The following IMPG1 variants were observed in gnomAD, a reference collection of about 807,000 sequenced individuals.
The protein encoded by IMPG1 is interphotoreceptor matrix proteoglycan 1, also known as interphotoreceptor matrix proteoglycan of 150 kDa.
IMPG1 carries 85 observed loss-of-function variants against 92.0 expected under a neutral mutation model. That is an observed-to-expected ratio of 0.92 (90% confidence interval 0.78 to 1.11). IMPG1 has a LOEUF of 1.11. Among genes scored for constraint, IMPG1 ranks in the 50% least tolerant of loss-of-function variants. IMPG1 has a pLI of 0.00. For synonymous variants in IMPG1, 367 were observed against 334.1 expected, an observed-to-expected ratio of 1.10 and a Z score of -1.08; for missense variants, 1,022 against 956.0, an observed-to-expected ratio of 1.07 and a Z score of -0.91.
intron 4 of IMPG1, among the ~76,000 whole-genome samples, chr6:76,030,120 C>A (rs1225144098): frequency 6.6e-6 from 1 of 152,128 alleles, no homozygotes; most frequent in Non-Finnish European, 1.5e-5. Context: ...ATGTTAATAT[C>A]TATGGTATAA....
At chr6:76,032,724 CAA>C (rs1783671898) in intron 4 of IMPG1, among the ~76,000 whole-genome samples, 2 of 152,086 alleles carry the variant, frequency 1.3e-5, no homozygotes, top group Admixed American at 1.3e-4. Context: ...CCTGGAGCTT[CAA>C]AGAGAGTAGA....
chr6:75,956,935 T>G (rs1205634222), intron 12 of IMPG1, among the ~76,000 whole-genome samples: 3 of 152,196 alleles, frequency 2.0e-5, no homozygotes, highest in Non-Finnish European at 2.9e-5. Flanking sequence ...TTTTTTATTT[T>G]TTGAGATGGA....
chr6:76,058,860 A>C (rs1784161340), intron 1 of IMPG1, among the ~76,000 whole-genome samples: 1 of 152,220 alleles, frequency 6.6e-6, no homozygotes, highest in Non-Finnish European at 1.5e-5. Context: ...TAGAAAAAGC[A>C]AAAGCTAAGT....
Position 76,041,826 on chromosome 6 carries a change from C to G in IMPG1, c.301+67G>C, listed in dbSNP as rs568666091. 28 of 1,068,542 alleles carry G rather than the reference C, an allele frequency of 2.6e-5. No individual in the cohort carries two copies. In the East Asian group the frequency reaches 4.1e-4, roughly 16 times the overall value. The allele number at this position is 1,068,542 out of a possible 1,614,324, so 66.2% of individuals were successfully genotyped here. A position where few individuals can be genotyped will look rare whatever the true frequency, so the allele number is the denominator to read the frequency against. On this transcript the variant is annotated intron_variant, in intron 2 of 16. Coordinates refer to ENST00000369950, the MANE Select transcript of IMPG1 (RefSeq NM_001563.4). The stretch of plus-strand genomic sequence containing the variant: ...CTGGAAGTTTTAGGCTAAAGACAAC[C>G]TATGGATGAATGAAAGGGAAGGGAT...
rs377755519 is a variant in IMPG1 at position 76,018,866 on chromosome 6, TAA to T, written c.667-10_667-9del. The T allele has an allele frequency of 0.023, 32,057 of 1,369,226 alleles. No individual in the cohort carries two copies. Among genetic ancestry groups the T allele is most frequent in the South Asian group, 0.049 (3,605 of 73,250 alleles). 84.8% of individuals were successfully genotyped at this position (1,369,226 alleles called of 1,614,324 possible). On this transcript the variant is annotated splice_polypyrimidine_tract_variant and intron_variant, in intron 6 of 16. Coordinates refer to ENST00000369950, the MANE Select transcript of IMPG1 (RefSeq NM_001563.4). Reference sequence around the variant, plus strand: ...GAATTCTGTTTCTCTTTCCTGAGTTTAAAAAAAAAAAAAAGGACTTCTGTTAA... The same window carrying T: ...GAATTCTGTTTCTCTTTCCTGAGTTTAAAAAAAAAAAAGGACTTCTGTTAA...
chr6:76,053,784 C>T (rs1346045814), intron 1 of IMPG1, among the ~76,000 whole-genome samples: 2 of 152,118 alleles, frequency 1.3e-5, no homozygotes, highest in Non-Finnish European at 2.9e-5. Context: ...ATTTTACAAA[C>T]CACACACTAC....
chr6:75,957,715 T>C (rs1014355333), intron 12 of IMPG1, among the ~76,000 whole-genome samples: 2 of 152,240 alleles, frequency 1.3e-5, no homozygotes, highest in Non-Finnish European at 2.9e-5. Context: ...TATCAGAGAC[T>C]AGAATTGCAA....
At chr6:76,033,837 T>C (rs889515566) in intron 4 of IMPG1, among the ~76,000 whole-genome samples, 4 of 152,240 alleles carry the variant, frequency 2.6e-5, no homozygotes, top group Admixed American at 6.5e-5. Flanking sequence ...GATTTTCTTA[T>C]TTGATATTCA....
intron 1 of IMPG1, among the ~76,000 whole-genome samples, chr6:76,050,080 A>G (rs1784012280): frequency 6.6e-6 from 1 of 152,146 alleles, no homozygotes; most frequent in Non-Finnish European, 1.5e-5. Flanking sequence ...AAACAGTCAA[A>G]TCTGCCCAAG....
At chr6:76,071,194 A>G (rs1397030049) in intron 1 of IMPG1, among the ~76,000 whole-genome samples, 3 of 148,404 alleles carry the variant, frequency 2.0e-5, no homozygotes, top group African/African-American at 4.9e-5. Context: ...ATATAATTAT[A>G]TATTTGGAAT....
At chr6:76,033,574 A>G (rs1270647193) in intron 4 of IMPG1, among the ~76,000 whole-genome samples, 1 of 152,234 alleles carries the variant, frequency 6.6e-6, no homozygotes, top group Admixed American at 6.5e-5. Context: ...TTCACAGAGT[A>G]TATTAATAAG....
intron 14 of IMPG1, among the ~76,000 whole-genome samples, chr6:75,931,616 G>A (rs1306648638): frequency 2.6e-5 from 4 of 151,988 alleles, no homozygotes; most frequent in South Asian, 2.1e-4. Flanking sequence ...AAAGCATTAA[G>A]TCATCATTTA....
At chr6:75,986,813 G>T (rs1782725384) in intron 12 of IMPG1, among the ~76,000 whole-genome samples, 1 of 152,014 alleles carries the variant, frequency 6.6e-6, no homozygotes, top group South Asian at 2.1e-4. Flanking sequence ...TGTGAAGGCT[G>T]CAAACTTAAA....
intron 5 of IMPG1, chr6:76,024,827 A>T (rs1783494672): frequency 3.0e-6 from 1 of 328,302 alleles, no homozygotes; most frequent in African/African-American, 2.2e-5. Flanking sequence ...AAGAAATTTT[A>T]GTGAACTATA....
intron 12 of IMPG1, among the ~76,000 whole-genome samples, chr6:75,977,159 A>G (rs1782551924): frequency 6.6e-6 from 1 of 152,262 alleles, no homozygotes; most frequent in Admixed American, 6.5e-5. Context: ...GATAATATCA[A>G]TAATGTAGTT....
At chr6:76,024,815 T>C (rs1783494408) in intron 5 of IMPG1, 2 of 317,836 alleles carry the variant, frequency 6.3e-6, no homozygotes, top group African/African-American at 2.2e-5. Context: ...ATGATAACTT[T>C]GAAGAAATTT....
intron 14 of IMPG1, among the ~76,000 whole-genome samples, chr6:75,945,847 C>T (rs1008254651): frequency 6.6e-6 from 1 of 152,186 alleles, no homozygotes; most frequent in African/African-American, 2.4e-5. Flanking sequence ...GTGGCATCTA[C>T]ATTGAGAAGC....
At chr6:75,969,925 A>T (rs980918501) in intron 12 of IMPG1, among the ~76,000 whole-genome samples, 6 of 151,960 alleles carry the variant, frequency 3.9e-5, no homozygotes, top group African/African-American at 1.4e-4. Context: ...TAAAACTAAA[A>T]CTGGTAATAA....
intron 1 of IMPG1, among the ~76,000 whole-genome samples, chr6:76,046,655 C>G (rs1391482407): frequency 6.6e-6 from 1 of 152,134 alleles, no homozygotes; most frequent in Non-Finnish European, 1.5e-5. Context: ...ACTTGACATC[C>G]AAGTACATCC....
Sources: gnomAD v4.1 joint callset for allele counts (sites outside exome capture counted in the v4.1 genomes callset) on GRCh38, gnomAD v4.1.1 for gene constraint, MANE v1.5 for transcripts, NCBI Gene and HGNC (gene_info 2026-07-23, HGNC 2026-07-21) for gene names.